Variants in CFLAR observed in about 807,000 individuals in gnomAD.
CFLAR encodes CASP8 and FADD-like apoptosis regulator.
A neutral mutation model predicts 51.1 loss-of-function variants in CFLAR; 14 were observed. That is an observed-to-expected ratio of 0.27 (90% confidence interval 0.18 to 0.43). CFLAR has a LOEUF of 0.43. CFLAR is among the 20% of genes least tolerant of loss of function. The pLI is 1.00. For synonymous variants in CFLAR, 210 were observed against 211.6 expected, an observed-to-expected ratio of 0.99 and a Z score of 0.06; for missense variants, 390 against 566.5, an observed-to-expected ratio of 0.69 and a Z score of 3.16.
At chr2:201,157,338 G>A (rs1017771614) in intron 8 of CFLAR, among the ~76,000 whole-genome samples, 5 of 152,086 alleles carry the variant, frequency 3.3e-5, no homozygotes, top group African/African-American at 7.2e-5. Flanking sequence ...ATGGGGTTTC[G>A]CCATGTTGCC....
intron 4 of CFLAR, 101 bp downstream of exon 4, chr2:201,136,208 T>C (rs2050086205): frequency 6.2e-7 from 1 of 1,610,514 alleles, no homozygotes; most frequent in African/African-American, 1.3e-5. Flanking sequence ...GTGGATGGAA[T>C]GGAACCTGGA....
At chr2:201,126,405 C>A (rs1443690049) in intron 1 of CFLAR, among the ~76,000 whole-genome samples, 2 of 152,120 alleles carry the variant, frequency 1.3e-5, no homozygotes, top group Non-Finnish European at 2.9e-5. Context: ...TAATTGCATT[C>A]TTGGATGTGC....
chr2:201,139,615 A>T (rs988920275), intron 4 of CFLAR: 1 of 153,624 alleles, frequency 6.5e-6, no homozygotes, highest in Admixed American at 6.5e-5. Context: ...GGGCAGCACT[A>T]CTGCTCTTTA....
intron 4 of CFLAR, 163 bp from the exon 5 acceptor site, chr2:201,140,194 T>C: frequency 2.7e-6 from 2 of 748,996 alleles, no homozygotes; most frequent in Admixed American, 7.5e-5. Flanking sequence ...TTCTTCATGA[T>C]GTTTGGTCGA....
At chr2:201,145,045 G>A (rs1360718268) in intron 5 of CFLAR, among the ~76,000 whole-genome samples, 1 of 152,018 alleles carries the variant, frequency 6.6e-6, no homozygotes, top group African/African-American at 2.4e-5. Context: ...TAGAGATGGG[G>A]TTTTACCATG....
chr2:201,127,637 C>T (rs975010212), intron 1 of CFLAR, among the ~76,000 whole-genome samples: 4 of 152,224 alleles, frequency 2.6e-5, no homozygotes, highest in Non-Finnish European at 5.9e-5. Context: ...CTCAAGTACT[C>T]ACCACCTCTA....
At position 201,124,210 on chromosome 2, in the gene CFLAR, T is replaced by C. The variant is rs1374680933; in HGVS notation, c.-137-5519T>C. Among the ~76,000 whole-genome samples, 1 of 152,144 alleles carries C rather than the reference T, an allele frequency of 6.6e-6. No homozygotes were observed. Among genetic ancestry groups the C allele is most frequent in the Admixed American group, 6.5e-5 (1 of 15,272 alleles). On this transcript the variant is annotated intron_variant, in intron 1 of 9. Transcript: ENST00000309955. The surrounding 1 kb of genome is among the most constrained non-coding windows in gnomAD (Gnocchi z 4.7). ...GTTACCAGATAGTTTGGGGGCAGCG[T>C]TGGTGTTCTGTGAGAAAGGTTGAGA...
rs1405673186 is a variant in CFLAR at position 201,165,628 on chromosome 2, G to A, written c.*1655G>A. 1.3e-5 allele frequency: 2 copies of A among 156,432 alleles called. No individual in the cohort carries two copies. Among genetic ancestry groups the A allele is most frequent in the African/African-American group, 4.8e-5 (2 of 41,380 alleles). 9.7% of individuals were successfully genotyped at this position (156,432 alleles called of 1,614,324 possible). A position where few individuals can be genotyped will look rare whatever the true frequency, so the allele number is the denominator to read the frequency against. The stretch of plus-strand genomic sequence containing the variant: ...TGATCATTCTTGGGTGTTTCTCACA[G>A]AGGGTGATTTGGCAGGGTCACAGGA... On this transcript the variant is annotated 3_prime_UTR_variant, in exon 10 of 10. Transcript: ENST00000309955.
intron 6 of CFLAR, chr2:201,148,666 A>G (rs142705525): frequency 6.5e-4 from 169 of 261,142 alleles, no homozygotes; most frequent in African/African-American, 3.3e-3. Flanking sequence ...AGCTATCAGT[A>G]TTGTTGGGTG....
chr2:201,155,538 A>G (rs918572037), intron 8 of CFLAR, among the ~76,000 whole-genome samples: 1 of 152,178 alleles, frequency 6.6e-6, no homozygotes, highest in African/African-American at 2.4e-5. Context: ...TGCTGGGATC[A>G]CGGGGATGAG....
At position 201,168,706 on chromosome 2, in the gene CFLAR, A is replaced by G. The variant is rs894218516; in HGVS notation, c.*4733A>G. 1.3e-5 allele frequency: 2 copies of G among 152,186 alleles called. No homozygotes were observed. The highest frequency in any genetic ancestry group is 2.9e-5 in the Non-Finnish European group (2 of 68,038). 9.4% of individuals were successfully genotyped at this position (152,186 alleles called of 1,614,324 possible). A position where few individuals can be genotyped will look rare whatever the true frequency, so the allele number is the denominator to read the frequency against. ...GTGTTTGCAGATGACATGATACTAT[A>G]TCTAGAAAACCCCATTATCTCCACC... is the stretch of plus-strand genomic sequence containing the variant. On this transcript the variant is annotated 3_prime_UTR_variant, in exon 10 of 10. Coordinates refer to ENST00000309955, the MANE Select transcript of CFLAR (RefSeq NM_003879.7).
At chr2:201,155,945 C>T (rs1027504076) in intron 8 of CFLAR, among the ~76,000 whole-genome samples, 2 of 151,866 alleles carry the variant, frequency 1.3e-5, no homozygotes, top group Admixed American at 1.3e-4. Context: ...TTTATAGAGA[C>T]AGGGTCTTTT....
At position 201,149,827 on chromosome 2, in the gene CFLAR, A is replaced by G; in HGVS notation, c.785A>G (p.Asn262Ser). The G allele has an allele frequency of 6.2e-7, 1 of 1,612,686 alleles. No individual in the cohort carries two copies. Among genetic ancestry groups the G allele is most frequent in the Middle Eastern group, 1.7e-4 (1 of 6,060 alleles). Reference sequence around the variant, plus strand: ...TGCCTGATAATCGATTGCATTGGCAATGAGACAGGTAGGTGTGGAAGCTGC... The same window carrying G: ...TGCCTGATAATCGATTGCATTGGCAGTGAGACAGGTAGGTGTGGAAGCTGC... ...GICLIIDCIG[N>S]ETELLRDTFT... Residue 262 changes from asparagine (N) to serine (S), a missense_variant, in exon 8 of 10, where the codon AAT (asparagine) becomes AGT (serine). Asn to Ser is a conservative substitution (Grantham distance 46, BLOSUM62 1). Transcript: ENST00000309955.
At chr2:201,135,472 C>T (rs1435484848) in intron 3 of CFLAR, among the ~76,000 whole-genome samples, 1 of 152,180 alleles carries the variant, frequency 6.6e-6, no homozygotes, top group Non-Finnish European at 1.5e-5. Flanking sequence ...AGACTTACCA[C>T]CACCTCTGTT....
In CFLAR at chr2:201,172,336, T is replaced by C. The variant is rs931994456; in HGVS notation, c.*8363T>C. ...AACGTGATGTAAACTATTGTTGATA[T>C]AGTTTTTATATTGGAAGTGTAAGTA... On this transcript the variant is annotated 3_prime_UTR_variant, in exon 10 of 10. Transcript: ENST00000309955. The C allele has an allele frequency of 2.0e-5, 3 of 152,228 alleles. No homozygotes were observed. Among genetic ancestry groups the C allele is most frequent in the African/African-American group, 7.2e-5 (3 of 41,462 alleles). 9.4% of individuals were successfully genotyped at this position (152,228 alleles called of 1,614,324 possible).
intron 8 of CFLAR, chr2:201,153,806 A>T (rs1462582990): frequency 6.6e-6 from 1 of 152,168 alleles, no homozygotes; most frequent in Non-Finnish European, 1.5e-5. Context: ...CTTAATCCTC[A>T]TGAATAATAC....
chr2:201,136,436 GCC>G, intron 4 of CFLAR: 1 of 1,598,262 alleles, frequency 6.3e-7, no homozygotes, highest in East Asian at 2.2e-5. Flanking sequence ...GAACCCTACT[GCC>G]TTGCTCTGGT....
Position 201,118,531 on chromosome 2 carries a change from A to G in CFLAR, c.-138+2050A>G, listed in dbSNP as rs2125577220. ...GGGTCGCACGTAACGGTCCTGAGCTATGCATAAGCCGTTTGACCACGCATG... is the reference window on the plus strand; with the variant it reads ...GGGTCGCACGTAACGGTCCTGAGCTGTGCATAAGCCGTTTGACCACGCATG... On this transcript the variant is annotated intron_variant, in intron 1 of 9. Transcript: ENST00000309955. The surrounding 1 kb of genome is among the most constrained non-coding windows in gnomAD (Gnocchi z 5.1). The G allele has an allele frequency of 6.6e-6, 1 of 152,376 alleles. No individual in the cohort carries two copies. The highest frequency in any genetic ancestry group is 2.4e-5 in the African/African-American group (1 of 41,586). The allele number at this position is 152,376 out of a possible 1,614,324, so 9.4% of individuals were successfully genotyped here. A position where few individuals can be genotyped will look rare whatever the true frequency, so the allele number is the denominator to read the frequency against.
At position 201,138,660 on chromosome 2, in the gene CFLAR, G is replaced by A; in HGVS notation, c.524-1697G>A. ...GCCAGAGAAGCCATGACGCATCTTG[G>A]CCTCCAACACATCACCCACAGTGTG... On this transcript the variant is annotated intron_variant, in intron 4 of 9. Coordinates refer to ENST00000309955, the MANE Select transcript of CFLAR (RefSeq NM_003879.7). The surrounding 1 kb of genome is among the most constrained non-coding windows in gnomAD (Gnocchi z 4.0). 9.0e-7 allele frequency: 1 copy of A among 1,106,070 alleles called. No individual in the cohort carries two copies. 68.5% of individuals were successfully genotyped at this position (1,106,070 alleles called of 1,614,324 possible). A position where few individuals can be genotyped will look rare whatever the true frequency, so the allele number is the denominator to read the frequency against.
Sources: allele counts gnomAD v4.1 joint callset (sites outside exome capture counted in the v4.1 genomes callset), GRCh38; gene constraint gnomAD v4.1.1; non-coding constraint Gnocchi (gnomAD v3.1); transcripts MANE v1.5; gene names NCBI Gene and HGNC (gene_info 2026-07-23, HGNC 2026-07-21).